Variants in TTC23 observed in about 807,000 individuals in gnomAD.
TTC23 encodes tetratricopeptide repeat protein 23.
In TTC23, 58 loss-of-function variants were observed where a neutral mutation model predicts 55.1. That is an observed-to-expected ratio of 1.05 (90% CI 0.85 to 1.31). The LOEUF is 1.31. TTC23 is among the 50% of genes most tolerant of loss of function. The pLI, the probability that TTC23 is intolerant of heterozygous loss-of-function variation, is 0.00. For missense variants in TTC23, 516 were observed against 534.4 expected (o/e 0.97, Z 0.34); for synonymous variants, 203 against 199.9 (o/e 1.02, Z -0.13).
chr15:99,249,470 T>C lies in TTC23; in HGVS notation c.-730A>G, dbSNP rs1338508872. ...TGTCTTGGCAGCGTGATTTGCCCTCTGGTTCCTGCTTTATCAGTTTGGTGA... is the reference window on the plus strand; with the variant it reads ...TGTCTTGGCAGCGTGATTTGCCCTCCGGTTCCTGCTTTATCAGTTTGGTGA... On this transcript the variant is annotated 5_prime_UTR_variant, in exon 1 of 14. Transcript: ENST00000394132. 1 of 152,280 alleles carries C rather than the reference T, an allele frequency of 6.6e-6. No individual in the cohort carries two copies. Among genetic ancestry groups the C allele is most frequent in the Non-Finnish European group, 1.5e-5 (1 of 68,070 alleles). 9.4% of individuals were successfully genotyped at this position (152,280 alleles called of 1,614,324 possible).
rs186268440 is a variant in TTC23 at position 99,201,894 on chromosome 15, A to G, written c.582-1798T>C. ...TTTGGTGATAGAAAGTCTCAGAAAC[A>G]TATGGTTGGTAAGAAATCATTTAGC... On this transcript the variant is annotated intron_variant, in intron 8 of 13. Transcript: ENST00000394132. 2.8e-3 allele frequency among the ~76,000 whole-genome samples: 428 copies of G among 152,310 alleles called. 3 individuals are homozygous for G. Among genetic ancestry groups the G allele is most frequent in the South Asian group, 5.8e-3 (28 of 4,828 alleles).
chr15:99,226,377 C>T (rs1210969449), intron 5 of TTC23, among the ~76,000 whole-genome samples: 4 of 152,146 alleles, frequency 2.6e-5, no homozygotes, highest in Admixed American at 1.3e-4. Flanking sequence ...AACTTACTCT[C>T]AGTTCAGAAA....
intron 12 of TTC23, chr15:99,139,723 T>A (rs956885407): frequency 2.2e-6 from 3 of 1,351,766 alleles, no homozygotes; most frequent in African/African-American, 3.0e-5. Flanking sequence ...TTTCTATTTT[T>A]AAATGTGGCC....
chr15:99,191,625 G>A (rs963131347), intron 9 of TTC23, among the ~76,000 whole-genome samples: 17 of 152,194 alleles, frequency 1.1e-4, no homozygotes, highest in African/African-American at 3.6e-4. Context: ...TGATTGTGAG[G>A]CTTCCCCAGC....
chr15:99,138,654 C>A (rs1174569447), intron 13 of TTC23, among the ~76,000 whole-genome samples: 1 of 152,230 alleles, frequency 6.6e-6, no homozygotes, highest in Non-Finnish European at 1.5e-5. Context: ...CCTCACTGAG[C>A]TGAGGCCCTC....
chr15:99,229,142 C>CAT lies in TTC23; in HGVS notation c.-20-412_-20-411dup, dbSNP rs74654479. The stretch of plus-strand genomic sequence containing the variant: ...GCACATACATATGTATTTGCATGTA[C>CAT]ATATATATATATATATCTAAAGTCC... On this transcript the variant is annotated intron_variant, in intron 4 of 13. Transcript: ENST00000394132. Among the ~76,000 whole-genome samples, 893 of 145,026 alleles carry CAT rather than the reference C, an allele frequency of 6.2e-3. 8 individuals carry two copies. The highest frequency in any genetic ancestry group is 0.019 in the African/African-American group (747 of 39,670).
rs2070572505 is a variant in TTC23 at position 99,156,375 on chromosome 15, C to T, written c.994-78G>A. 3 of 1,544,116 alleles carry T rather than the reference C, an allele frequency of 1.9e-6. No individual in the cohort carries two copies. In the South Asian group the frequency reaches 3.6e-5, roughly 19 times the overall value. On this transcript the variant is annotated intron_variant, in intron 11 of 13. Coordinates refer to ENST00000394132, the MANE Select transcript of TTC23 (RefSeq NM_001288615.3). The stretch of plus-strand genomic sequence containing the variant: ...ATCATTACGCAACTTGTAACATTTT[C>T]ACATGGGTGTGGTAGTCTCACGAGC...
At chr15:99,197,298 T>C (rs937156511) in intron 9 of TTC23, among the ~76,000 whole-genome samples, 1 of 151,942 alleles carries the variant, frequency 6.6e-6, no homozygotes, top group African/African-American at 2.4e-5. Context: ...GAGATGGGGT[T>C]TCACCATGTT....
At chr15:99,163,109 AAAC>A (rs758961351) in intron 10 of TTC23, among the ~76,000 whole-genome samples, 362 of 122,932 alleles carry the variant, frequency 2.9e-3, no homozygotes, top group Non-Finnish European at 4.7e-3. Context: ...AAACAAACAA[AAAC>A]AACAACAACA....
intron 2 of TTC23, among the ~76,000 whole-genome samples, chr15:99,241,919 G>C (rs951218424): frequency 3.9e-5 from 6 of 152,188 alleles, no homozygotes; most frequent in Non-Finnish European, 5.9e-5. Context: ...TTGATGGCTT[G>C]AGCCGAGGAG....
At chr15:99,197,050 A>C (rs1596564508) in intron 9 of TTC23, among the ~76,000 whole-genome samples, 2 of 149,570 alleles carry the variant, frequency 1.3e-5, no homozygotes, top group East Asian at 3.9e-4. Context: ...TGCCAACTAC[A>C]CTTACTGTTT....
intron 6 of TTC23, among the ~76,000 whole-genome samples, chr15:99,220,017 AG>A (rs10718333): frequency 0.38 from 58,362 of 152,038 alleles, 11,791 homozygotes; most frequent in Middle Eastern, 0.56. Context: ...GACATGTATT[AG>A]TGCCACCTGT....
rs1017897270 is a variant in TTC23 at position 99,137,437 on chromosome 15, C to G, written c.*573G>C. 6.6e-6 allele frequency: 1 copy of G among 152,398 alleles called. No homozygotes were observed. Among genetic ancestry groups the G allele is most frequent in the African/African-American group, 2.4e-5 (1 of 41,462 alleles). 9.4% of individuals were successfully genotyped at this position (152,398 alleles called of 1,614,324 possible). A position where few individuals can be genotyped will look rare whatever the true frequency, so the allele number is the denominator to read the frequency against. On this transcript the variant is annotated 3_prime_UTR_variant, in exon 14 of 14. Coordinates refer to ENST00000394132, the MANE Select transcript of TTC23 (RefSeq NM_001288615.3). ...GGGCCCCAGGCCAAGTCAGGTGTGT[C>G]GGCCTCCTGCCCCTCCTACTGGGCT... is the stretch of plus-strand genomic sequence containing the variant.
chr15:99,192,615 C>G (rs1041351676), intron 9 of TTC23, among the ~76,000 whole-genome samples: 1 of 152,158 alleles, frequency 6.6e-6, no homozygotes, highest in African/African-American at 2.4e-5. Flanking sequence ...GCCTGGATGC[C>G]CAAGCAGAAG....
At chr15:99,196,543 A>C (rs2075728153) in intron 9 of TTC23, among the ~76,000 whole-genome samples, 1 of 152,176 alleles carries the variant, frequency 6.6e-6, no homozygotes, top group African/African-American at 2.4e-5. Context: ...CTAGGCCAGA[A>C]ACCTGGGGTA....
At chr15:99,247,851 TGTG>T (rs2080392349) in intron 1 of TTC23, among the ~76,000 whole-genome samples, 1 of 74,004 alleles carries the variant, frequency 1.4e-5, no homozygotes, top group Admixed American at 1.4e-4. Flanking sequence ...AAAATTGGAA[TGTG>T]GTGATGGTTG....
At chr15:99,141,332 T>A (rs2068211003) in intron 12 of TTC23, among the ~76,000 whole-genome samples, 1 of 152,092 alleles carries the variant, frequency 6.6e-6, no homozygotes, top group Non-Finnish European at 1.5e-5. Context: ...GCATATAATA[T>A]GTATTATAAT....
intron 12 of TTC23, chr15:99,155,913 A>C: frequency 1.8e-6 from 1 of 553,128 alleles, no homozygotes; most frequent in South Asian, 3.2e-5. Flanking sequence ...AAAAAATTAA[A>C]AATATTTGCA....
At chr15:99,216,879 G>A (rs2077513314) in intron 8 of TTC23, among the ~76,000 whole-genome samples, 1 of 152,122 alleles carries the variant, frequency 6.6e-6, no homozygotes, top group Non-Finnish European at 1.5e-5. Flanking sequence ...CCACCCTTGG[G>A]ATATAAACCT....
Sources: allele counts gnomAD v4.1 joint callset (sites outside exome capture counted in the v4.1 genomes callset), GRCh38; gene constraint gnomAD v4.1.1; transcripts MANE v1.5; gene names NCBI Gene and HGNC (gene_info 2026-07-23, HGNC 2026-07-21).